Variants in PDE4D observed in about 807,000 individuals in gnomAD.
PDE4D encodes the protein phosphodiesterase 4D, also known as 3',5'-cyclic-AMP phosphodiesterase 4D.
In PDE4D, 24 loss-of-function variants were observed where a neutral mutation model predicts 87.4. The ratio of observed to expected loss-of-function variants is 0.27; its 90% CI spans 0.20 to 0.39. The LOEUF is 0.39. Among genes scored for constraint, PDE4D ranks in the 10% least tolerant of loss-of-function variants. The pLI, the probability that PDE4D is intolerant of heterozygous loss-of-function variation, is 1.00. For missense variants in PDE4D, 714 were observed against 1,041.0 expected (o/e 0.69, Z 4.32); for synonymous variants, 384 against 383.2 (o/e 1.00, Z -0.02).
At chr5:59,087,669 C>G (rs1767954836) in intron 5 of PDE4D, among the ~76,000 whole-genome samples, 1 of 152,178 alleles carries the variant, frequency 6.6e-6, no homozygotes, top group African/African-American at 2.4e-5. Flanking sequence ...TCTAACATTT[C>G]TTAGCAGTTC....
chr5:60,263,724 T>G (rs1749885614), intron 1 of PDE4D, among the ~76,000 whole-genome samples: 1 of 152,144 alleles, frequency 6.6e-6, no homozygotes, highest in South Asian at 2.1e-4. Flanking sequence ...CATACCTACC[T>G]GGTTCCTGCT....
At chr5:60,379,866 T>G (rs1761724270) in intron 1 of PDE4D, among the ~76,000 whole-genome samples, 1 of 152,176 alleles carries the variant, frequency 6.6e-6, no homozygotes, top group Non-Finnish European at 1.5e-5. Context: ...GCACCTGGAT[T>G]TCTTTGAAAC....
intron 5 of PDE4D, among the ~76,000 whole-genome samples, chr5:59,043,863 T>C (rs2153398356): frequency 6.6e-6 from 1 of 152,330 alleles, no homozygotes; most frequent in Middle Eastern, 3.4e-3. Flanking sequence ...ATTTCATCCA[T>C]GTTCCTACAA....
At chr5:59,074,889 T>C (rs983553587) in intron 5 of PDE4D, among the ~76,000 whole-genome samples, 4 of 152,196 alleles carry the variant, frequency 2.6e-5, no homozygotes, top group Non-Finnish European at 4.4e-5. Flanking sequence ...ATGTTCTGAC[T>C]TCCTTTAGAG....
chr5:59,827,191 G>A (rs1022190679), intron 1 of PDE4D, among the ~76,000 whole-genome samples: 1 of 151,996 alleles, frequency 6.6e-6, no homozygotes, highest in Non-Finnish European at 1.5e-5. Context: ...TAGTAGTTAA[G>A]ACTGGTTAAA....
At chr5:60,263,168 G>A (rs899261507) in intron 1 of PDE4D, among the ~76,000 whole-genome samples, 1 of 152,168 alleles carries the variant, frequency 6.6e-6, no homozygotes, top group Non-Finnish European at 1.5e-5. Flanking sequence ...TGTTAATGAG[G>A]CTTAGGACCA....
chr5:59,768,442 G>C, intron 1 of PDE4D: 2 of 1,598,408 alleles, frequency 1.3e-6, no homozygotes, highest in Non-Finnish European at 1.7e-6. Context: ...GTTCAGCCAC[G>C]GGTTTGGACA....
chr5:59,691,559 G>A (rs1000925283), intron 1 of PDE4D, among the ~76,000 whole-genome samples: 13 of 146,632 alleles, frequency 8.9e-5, no homozygotes, highest in East Asian at 2.0e-4. Context: ...ACCACACACC[G>A]GGGTCTGTCA....
chr5:59,213,947 A>G (rs1300228795), intron 2 of PDE4D, among the ~76,000 whole-genome samples: 1 of 151,324 alleles, frequency 6.6e-6, no homozygotes, highest in African/African-American at 2.4e-5. Flanking sequence ...GTACATCACC[A>G]TGTACGTACT....
At chr5:59,031,362 GATATATATATATATATATAT>G (rs137969980) in intron 6 of PDE4D, among the ~76,000 whole-genome samples, 2 of 111,870 alleles carry the variant, frequency 1.8e-5, no homozygotes, top group East Asian at 3.2e-4. Flanking sequence ...AAGAAAATGT[GATATATATATATATATATAT>G]ATATATATAT....
At chr5:60,316,899 T>C (rs904720420) in intron 1 of PDE4D, among the ~76,000 whole-genome samples, 3 of 152,242 alleles carry the variant, frequency 2.0e-5, no homozygotes, top group African/African-American at 7.2e-5. Context: ...CAATATTTTA[T>C]TGAGGATTTT....
At chr5:59,351,536 T>C (rs1265882261) in intron 1 of PDE4D, among the ~76,000 whole-genome samples, 2 of 152,146 alleles carry the variant, frequency 1.3e-5, no homozygotes, top group African/African-American at 4.8e-5. Flanking sequence ...TCTGAACAGC[T>C]GGCCAAGGAG....
chr5:60,254,530 C>T (rs1361710803), intron 1 of PDE4D, among the ~76,000 whole-genome samples: 2 of 151,850 alleles, frequency 1.3e-5, no homozygotes, highest in Non-Finnish European at 2.9e-5. Flanking sequence ...AAAGCAAAGC[C>T]AACAGCAATT....
intron 1 of PDE4D, among the ~76,000 whole-genome samples, chr5:60,311,217 T>G (rs1755007282): frequency 6.6e-6 from 1 of 152,152 alleles, no homozygotes; most frequent in Admixed American, 6.5e-5. Context: ...AGACGGGGTT[T>G]CTCCATGTTG....
chr5:59,109,853 A>C (rs567937477), intron 5 of PDE4D, among the ~76,000 whole-genome samples: 1 of 152,312 alleles, frequency 6.6e-6, no homozygotes, highest in South Asian at 2.1e-4. Context: ...AATTACTTGA[A>C]GGTGTTAACA....
rs138629063 is a variant in PDE4D, at chr5:59,182,464, T to C, written c.759-1820A>G. Among the ~76,000 whole-genome samples, 313 of 152,000 alleles carry C rather than the reference T, an allele frequency of 2.1e-3. 2 individuals carry two copies. Among genetic ancestry groups the C allele is most frequent in the African/African-American group, 6.9e-3 (287 of 41,458 alleles). The stretch of plus-strand genomic sequence containing the variant: ...TTTTTTTAGAGATGGGGTCTTGCTG[T>C]GTGTAACAGGGTGTTATCTGTTACC... On this transcript the variant is annotated intron_variant, in intron 4 of 14. Coordinates refer to ENST00000340635, the MANE Select transcript of PDE4D (RefSeq NM_001104631.2).
At chr5:59,706,783 T>C (rs563421209) in intron 1 of PDE4D, among the ~76,000 whole-genome samples, 72 of 152,152 alleles carry the variant, frequency 4.7e-4, no homozygotes, top group Non-Finnish European at 9.3e-4. Context: ...TAAATCCTTT[T>C]CCGAGCTCCT....
At chr5:60,322,379 C>T (rs886565145) in intron 1 of PDE4D, among the ~76,000 whole-genome samples, 2 of 100,938 alleles carry the variant, frequency 2.0e-5, no homozygotes, top group Admixed American at 9.7e-5. Context: ...CACACACACA[C>T]ACACACACAC....
At chr5:59,155,254 G>C (rs1467122431) in intron 5 of PDE4D, among the ~76,000 whole-genome samples, 1 of 152,188 alleles carries the variant, frequency 6.6e-6, no homozygotes, top group East Asian at 1.9e-4. Context: ...GAGGTAAAGT[G>C]GGGAGGAAGA....
Sources: gnomAD v4.1 joint callset for allele counts (sites outside exome capture counted in the v4.1 genomes callset) on GRCh38, gnomAD v4.1.1 for gene constraint, MANE v1.5 for transcripts, NCBI Gene and HGNC (gene_info 2026-07-23, HGNC 2026-07-21) for gene names.